Variants in ALG14 observed in about 807,000 individuals in gnomAD.
ALG14 encodes the protein UDP-N-acetylglucosamine transferase subunit ALG14.
In ALG14, 17 loss-of-function variants were observed where a neutral mutation model predicts 22.8. The ratio of observed to expected loss-of-function variants is 0.75; its 90% CI spans 0.51 to 1.12. The LOEUF (loss-of-function observed/expected upper bound fraction) is 1.12. ALG14 is among the 50% of genes most tolerant of loss of function. The probability of loss-of-function intolerance (pLI) is 0.00; values close to 1 mark genes in which losing one functional copy is unlikely to be tolerated. For missense variants in ALG14, 288 were observed against 271.8 expected, an observed-to-expected ratio of 1.06 and a Z score of -0.42; for synonymous variants, 89 against 103.7, an observed-to-expected ratio of 0.86 and a Z score of 0.86.
At chr1:95,058,818 T>C (rs924244336) in intron 2 of ALG14, among the ~76,000 whole-genome samples, 1 of 151,866 alleles carries the variant, frequency 6.6e-6, no homozygotes. Flanking sequence ...TATGATGAGA[T>C]TTAATTAAAA....
Position 94,981,093 on chromosome 1 carries a change from A to T in ALG14, c.*1983T>A, listed in dbSNP as rs2100705619. ...TTCATTTACCTAGTGCCACTCAGGG[A>T]ACAAAGTACAGAGCAGAGAAAGCCT... is the stretch of plus-strand genomic sequence containing the variant. On this transcript the variant is annotated 3_prime_UTR_variant, in exon 4 of 4. Transcript: ENST00000370205. 6.6e-6 allele frequency: 1 copy of T among 152,324 alleles called. No homozygotes were observed. Among genetic ancestry groups the T allele is most frequent in the South Asian group, 2.1e-4 (1 of 4,830 alleles). 9.4% of individuals were successfully genotyped at this position (152,324 alleles called of 1,614,324 possible). A position where few individuals can be genotyped will look rare whatever the true frequency, so the allele number is the denominator to read the frequency against.
At chr1:95,036,486 G>C (rs778197965) in intron 2 of ALG14, among the ~76,000 whole-genome samples, 1 of 145,512 alleles carries the variant, frequency 6.9e-6, no homozygotes, top group African/African-American at 2.6e-5. Context: ...GGGTGCAGTG[G>C]TGCGATCTCG....
chr1:95,014,239 G>A (rs77476704), intron 3 of ALG14, among the ~76,000 whole-genome samples: 2,691 of 152,228 alleles, frequency 0.018, 75 homozygotes, highest in African/African-American at 0.059. Flanking sequence ...TGTTCTGGGC[G>A]CTTTGAAGAG....
At chr1:95,047,738 G>A (rs1175545841) in intron 2 of ALG14, among the ~76,000 whole-genome samples, 1 of 152,084 alleles carries the variant, frequency 6.6e-6, no homozygotes, top group Non-Finnish European at 1.5e-5. Context: ...CCAGAGCTTC[G>A]GGAAGCTCAG....
rs146900220 is a variant in ALG14 at position 95,062,357 on chromosome 1, G to A, written c.288+2509C>T. Among the ~76,000 whole-genome samples the A allele has an allele frequency of 9.4e-3, 1,436 of 152,142 alleles. 25 individuals are homozygous for A. Among genetic ancestry groups the A allele is most frequent in the African/African-American group, 0.033 (1,372 of 41,486 alleles). ...GTGCAGGTTTATTACACAGGTAAAC[G>A]TGTGCCATGGTGGTTTGCTGCACAA... On this transcript the variant is annotated intron_variant, in intron 2 of 3. Transcript: ENST00000370205.
At chr1:95,001,551 A>C (rs11805382) in intron 3 of ALG14, among the ~76,000 whole-genome samples, 11,504 of 152,212 alleles carry the variant, frequency 0.076, 500 homozygotes, top group Non-Finnish European at 0.099. Context: ...GCTGGAGTGC[A>C]GTGGTGCCAT....
In ALG14 at chr1:94,980,211, G is replaced by A. The variant is rs2100704837; in HGVS notation, c.*2865C>T. ...GCTTGGGTCATCTCCTTCCTAGCAA[G>A]GACATCTTGCTATTCAACTCACAAT... On this transcript the variant is annotated 3_prime_UTR_variant, in exon 4 of 4. Coordinates refer to ENST00000370205, the MANE Select transcript of ALG14 (RefSeq NM_144988.4). 6.6e-6 allele frequency: 1 copy of A among 152,244 alleles called. No homozygotes were observed. Among genetic ancestry groups the A allele is most frequent in the African/African-American group, 2.4e-5 (1 of 41,560 alleles). 9.4% of individuals were successfully genotyped at this position (152,244 alleles called of 1,614,324 possible).
rs566319149 is a variant in ALG14, at chr1:95,071,437, G to A, written c.136+1326C>T. ...GGTGCGCCTGTAATCCCAGCTACTC[G>A]GGAGGCTGAGGCAGGAGAATGGCTT... On this transcript the variant is annotated intron_variant, in intron 1 of 3. Coordinates refer to ENST00000370205, the MANE Select transcript of ALG14 (RefSeq NM_144988.4). 2.6e-5 allele frequency among the ~76,000 whole-genome samples: 4 copies of A among 152,094 alleles called. No homozygotes were observed. In the East Asian group the frequency reaches 7.7e-4, roughly 29 times the overall value.
chr1:95,059,394 T>C (rs1407822961), intron 2 of ALG14, among the ~76,000 whole-genome samples: 3 of 114,050 alleles, frequency 2.6e-5, no homozygotes, highest in Admixed American at 1.8e-4. Context: ...TGAGACTCTG[T>C]CTCAAAAAAA....
At chr1:95,007,325 C>A (rs1193077337) in intron 3 of ALG14, among the ~76,000 whole-genome samples, 1 of 152,224 alleles carries the variant, frequency 6.6e-6, no homozygotes, top group Non-Finnish European at 1.5e-5. Context: ...ATCCTATGGT[C>A]ATTTCCCGTC....
chr1:94,996,190 TTCTA>T (rs1322237456), intron 3 of ALG14, among the ~76,000 whole-genome samples: 4 of 151,646 alleles, frequency 2.6e-5, no homozygotes, highest in Non-Finnish European at 4.4e-5. Flanking sequence ...TGTAGATTCT[TTCTA>T]AATCAGAATC....
chr1:95,022,291 C>A, intron 3 of ALG14: 1 of 984,546 alleles, frequency 1.0e-6, no homozygotes, highest in Non-Finnish European at 1.2e-6. Flanking sequence ...CTAAATACCT[C>A]ATTTATGGAT....
intron 3 of ALG14, among the ~76,000 whole-genome samples, chr1:94,984,307 GA>G (rs1214860613): frequency 1.3e-5 from 2 of 152,108 alleles, no homozygotes; most frequent in African/African-American, 4.8e-5. Flanking sequence ...TAGCACCAGA[GA>G]ATCTTAGAGT....
At chr1:94,990,196 C>G (rs1672739056) in intron 3 of ALG14, among the ~76,000 whole-genome samples, 1 of 152,242 alleles carries the variant, frequency 6.6e-6, no homozygotes, top group African/African-American at 2.4e-5. Context: ...TGGTATATAA[C>G]ATGCAGAGGT....
chr1:95,035,423 A>G (rs185614813), intron 2 of ALG14, among the ~76,000 whole-genome samples: 1 of 152,346 alleles, frequency 6.6e-6, no homozygotes, highest in Admixed American at 6.5e-5. Context: ...GAACAGGGCC[A>G]TGTCCCATAG....
At chr1:95,067,442 C>T (rs1165715404) in intron 1 of ALG14, 4 of 152,234 alleles carry the variant, frequency 2.6e-5, no homozygotes, top group African/African-American at 9.6e-5. Flanking sequence ...AATGCTTACT[C>T]TTGAATACAC....
chr1:95,007,504 C>T (rs1248767672), intron 3 of ALG14, among the ~76,000 whole-genome samples: 1 of 152,228 alleles, frequency 6.6e-6, no homozygotes, highest in Non-Finnish European at 1.5e-5. Flanking sequence ...CATTCCTGCA[C>T]GTCTAGTGAA....
intron 2 of ALG14, among the ~76,000 whole-genome samples, chr1:95,027,645 C>T (rs951132383): frequency 8.5e-5 from 13 of 152,282 alleles, no homozygotes; most frequent in African/African-American, 2.4e-4. Context: ...GGAAGAAATA[C>T]AAATAATGAT....
chr1:95,027,634 T>C (rs1673862097), intron 2 of ALG14, among the ~76,000 whole-genome samples: 1 of 152,118 alleles, frequency 6.6e-6, no homozygotes, highest in African/African-American at 2.4e-5. Context: ...TAACTCCAAA[T>C]GGAAGAAATA....
Sources: allele counts gnomAD v4.1 joint callset (sites outside exome capture counted in the v4.1 genomes callset), GRCh38; gene constraint gnomAD v4.1.1; transcripts MANE v1.5; gene names NCBI Gene and HGNC (gene_info 2026-07-23, HGNC 2026-07-21).